The following DCLK2 variants were observed in gnomAD, a reference collection of about 807,000 sequenced individuals.
DCLK2 encodes the protein serine/threonine-protein kinase DCLK2.
Under a neutral mutation model 78.4 loss-of-function variants are expected in DCLK2, and 31 were observed. That is an observed-to-expected ratio of 0.40 (90% confidence interval 0.30 to 0.53). DCLK2 has a LOEUF of 0.53. Ranked by LOEUF, DCLK2 falls within the 20% of genes least tolerant of loss-of-function variation. DCLK2 has a pLI of 0.61. For synonymous variants in DCLK2, 407 were observed against 374.9 expected (o/e 1.09, Z -0.99); for missense variants, 872 against 973.7 (o/e 0.90, Z 1.39).
intron 2 of DCLK2, among the ~76,000 whole-genome samples, chr4:150,175,056 A>ATATTTGTATATATTTG (rs1553964215): frequency 2.3e-4 from 4 of 17,066 alleles, no homozygotes; most frequent in African/African-American, 6.2e-4. Context: ...ATATATTTAT[A>ATATTTGTATATATTTG]TATATATTTA....
intron 2 of DCLK2, among the ~76,000 whole-genome samples, chr4:150,171,765 A>C (rs539666181): frequency 6.6e-6 from 1 of 152,318 alleles, no homozygotes; most frequent in African/African-American, 2.4e-5. Flanking sequence ...GCTTGGAAAT[A>C]GTGTCAAATA....
chr4:150,210,668 C>A (rs755527059), intron 5 of DCLK2, among the ~76,000 whole-genome samples: 18 of 152,058 alleles, frequency 1.2e-4, no homozygotes, highest in Non-Finnish European at 2.4e-4. Flanking sequence ...GTTATTCTGG[C>A]AAGGCACAGT....
chr4:150,240,350 G>C (rs6813035), intron 11 of DCLK2, 49 bp from the exon 12 acceptor site: 3 of 1,545,138 alleles, frequency 1.9e-6, no homozygotes, highest in South Asian at 2.2e-5. Context: ...CCATGGAAGG[G>C]TCTTGGGAGC....
In DCLK2 at chr4:150,092,598, GA is replaced by G. The variant is rs1172440056; in HGVS notation, c.422-9877del. On this transcript the variant is annotated intron_variant, in intron 1 of 15. Coordinates refer to ENST00000296550, the MANE Select transcript of DCLK2 (RefSeq NM_001040260.4). ...ACTTGGCCATTTGTATGTCTTTTTT[GA>G]AATGTCTATTCAGATCCTTTCTCTT... Among the ~76,000 whole-genome samples the G allele has an allele frequency of 2.0e-5, 3 of 151,900 alleles. No individual in the cohort carries two copies. The East Asian group carries it at 5.8e-4, about 29-fold the overall frequency.
chr4:150,192,260 C>G (rs1374321421), intron 2 of DCLK2, among the ~76,000 whole-genome samples: 1 of 152,032 alleles, frequency 6.6e-6, no homozygotes, highest in Non-Finnish European at 1.5e-5. Context: ...GCAGGCAGAT[C>G]ACGAGGTCAG....
chr4:150,218,750 T>C (rs1363600292), intron 5 of DCLK2, among the ~76,000 whole-genome samples: 1 of 152,184 alleles, frequency 6.6e-6, no homozygotes, highest in East Asian at 1.9e-4. Context: ...ATTTAAGACA[T>C]GTGAGTCCAC....
chr4:150,114,934 T>C (rs1731965078), intron 2 of DCLK2, among the ~76,000 whole-genome samples: 1 of 152,222 alleles, frequency 6.6e-6, no homozygotes, highest in Non-Finnish European at 1.5e-5. Flanking sequence ...TATCTAAATC[T>C]CTAGCAAGGC....
chr4:150,201,720 T>C (rs548479546), intron 4 of DCLK2, among the ~76,000 whole-genome samples: 1 of 152,168 alleles, frequency 6.6e-6, no homozygotes, highest in Admixed American at 6.5e-5. Flanking sequence ...CAGTGTGGGA[T>C]TGGAATACCA....
chr4:150,123,452 A>C (rs907377888), intron 2 of DCLK2, among the ~76,000 whole-genome samples: 1 of 152,194 alleles, frequency 6.6e-6, no homozygotes, highest in African/African-American at 2.4e-5. Flanking sequence ...ACATGAGCGC[A>C]GTTTCTGGCG....
In DCLK2 at chr4:150,220,784, T is replaced by C; in HGVS notation, c.1132+6T>C. On this transcript the variant is annotated splice_donor_region_variant and intron_variant, in intron 6 of 15. Transcript: ENST00000296550. ...CCGTTGCATAAGTCCTGAAGGTAGT[T>C]CTCAGTCTGATCATTACTTTGATAA... 6.2e-7 allele frequency: 1 copy of C among 1,610,338 alleles called. No homozygotes were observed. Among genetic ancestry groups the C allele is most frequent in the Non-Finnish European group, 8.5e-7 (1 of 1,177,120 alleles).
In DCLK2 at chr4:150,199,794, A is replaced by T. The variant is rs545999120; in HGVS notation, c.961+1691A>T. 8.2e-5 allele frequency among the ~76,000 whole-genome samples: 12 copies of T among 146,272 alleles called. No homozygotes were observed. In the East Asian group the frequency reaches 2.3e-3, roughly 28 times the overall value. On this transcript the variant is annotated intron_variant, in intron 4 of 15. Transcript: ENST00000296550. ...TAAATACACTGACCTGGGTTAATCA[A>T]AGAGTAGATGTAGTTTTGGTGATAG...
intron 2 of DCLK2, among the ~76,000 whole-genome samples, chr4:150,192,526 T>C (rs979396258): frequency 2.0e-5 from 3 of 147,484 alleles, no homozygotes; most frequent in Non-Finnish European, 3.0e-5. Flanking sequence ...TATTTAGATA[T>C]AGGGCATTAG....
intron 2 of DCLK2, among the ~76,000 whole-genome samples, chr4:150,106,451 C>A (rs767476332): frequency 6.6e-6 from 1 of 152,172 alleles, no homozygotes; most frequent in African/African-American, 2.4e-5. Context: ...GACACCTTTC[C>A]TTAGATGAAG....
chr4:150,150,012 G>A (rs1734777994), intron 2 of DCLK2, among the ~76,000 whole-genome samples: 1 of 152,150 alleles, frequency 6.6e-6, no homozygotes, highest in African/African-American at 2.4e-5. Context: ...CATAATTGAA[G>A]TGTATGGGAG....
chr4:150,168,530 A>T (rs1458199300), intron 2 of DCLK2, among the ~76,000 whole-genome samples: 1 of 152,118 alleles, frequency 6.6e-6, no homozygotes, highest in Non-Finnish European at 1.5e-5. Flanking sequence ...CCTTAGTTGA[A>T]TTCTTTCTTC....
At chr4:150,248,733 G>A (rs953794927) in intron 14 of DCLK2, among the ~76,000 whole-genome samples, 6 of 152,100 alleles carry the variant, frequency 3.9e-5, no homozygotes, top group African/African-American at 9.7e-5. Flanking sequence ...GTTTGCCCTG[G>A]AGATGAGCCT....
Position 150,079,090 on chromosome 4 carries a change from G to A in DCLK2, c.63G>A (p.Pro21=), listed in dbSNP as rs368575203. The A allele has an allele frequency of 1.3e-6, 2 of 1,563,966 alleles. No individual in the cohort carries two copies. Among genetic ancestry groups the A allele is most frequent in the Non-Finnish European group, 8.6e-7 (1 of 1,158,502 alleles). Residue 21 remains proline, a synonymous_variant, in exon 1 of 16, where the codon CCG becomes CCA. Coordinates refer to ENST00000296550, the MANE Select transcript of DCLK2 (RefSeq NM_001040260.4). ...HFEERDKRPR[P]GSRRGAPSSS... Reference sequence around the variant, plus strand: ...AGGAACGGGACAAAAGGCCGCGGCCGGGGTCGCGGAGAGGGGCCCCCAGCT... The same window carrying A: ...AGGAACGGGACAAAAGGCCGCGGCCAGGGTCGCGGAGAGGGGCCCCCAGCT...
Position 150,079,116 on chromosome 4 carries a change from C to T in DCLK2, c.89C>T (p.Ser30Phe). The T allele has an allele frequency of 6.3e-7, 1 of 1,577,864 alleles. No individual in the cohort carries two copies. Among genetic ancestry groups the T allele is most frequent in the Non-Finnish European group, 8.6e-7 (1 of 1,163,920 alleles). ...GGGTCGCGGAGAGGGGCCCCCAGCT[C>T]CTCCGGGGGCAGCAGCAGCTCGGGC... is the stretch of plus-strand genomic sequence containing the variant. The part of the protein sequence containing the change: ...RPGSRRGAPS[S>F]SGGSSSSGPK... Residue 30 changes from serine (S) to phenylalanine (F), a missense_variant, in exon 1 of 16, where the codon TCC (serine) becomes TTC (phenylalanine). Around this residue, in one of 3 missense-constraint regions of DCLK2, gnomAD observed 567 missense variants for 593.4 expected, o/e 0.96. Coordinates refer to ENST00000296550, the MANE Select transcript of DCLK2 (RefSeq NM_001040260.4).
intron 5 of DCLK2, among the ~76,000 whole-genome samples, chr4:150,217,415 C>T (rs754679437): frequency 2.8e-4 from 42 of 152,266 alleles, no homozygotes; most frequent in Non-Finnish European, 4.9e-4. Flanking sequence ...GTGGGAGGTC[C>T]AATGAACTGA....
Sources: allele counts gnomAD v4.1 joint callset (sites outside exome capture counted in the v4.1 genomes callset), GRCh38; gene constraint gnomAD v4.1.1; regional missense constraint gnomAD v4.1.1; transcripts MANE v1.5; gene names NCBI Gene and HGNC (gene_info 2026-07-23, HGNC 2026-07-21).